PARD3: variants seen among roughly 807,000 people sequenced by gnomAD.
PARD3 encodes the protein partitioning defective 3 homolog.
In PARD3, 75 loss-of-function variants were observed where a neutral mutation model predicts 155.4. The observed-to-expected ratio is 0.48, with a 90% CI of 0.40 to 0.58. PARD3 has a LOEUF of 0.58. PARD3 is among the 20% of genes least tolerant of loss of function. PARD3 has a pLI of 0.00. For synonymous variants in PARD3, 576 were observed against 610.5 expected (o/e 0.94, Z 0.83); for missense variants, 1,642 against 1,721.7 (o/e 0.95, Z 0.82).
At chr10:34,442,391 C>T (rs1488192794) in intron 5 of PARD3, among the ~76,000 whole-genome samples, 2 of 152,140 alleles carry the variant, frequency 1.3e-5, no homozygotes, top group African/African-American at 4.8e-5. Context: ...TTTCCCTGAC[C>T]GATCTGAAGT....
chr10:34,696,256 G>T, intron 2 of PARD3, 62 bp downstream of exon 2: 1 of 836,548 alleles, frequency 1.2e-6, no homozygotes, highest in Non-Finnish European at 2.0e-6. Flanking sequence ...AATCGCACCC[G>T]CTCCCTAGTC....
rs759013138 is a variant in PARD3 at position 34,111,540 on chromosome 10, A to G, written c.3691T>C (p.Ser1231Pro). The part of the protein sequence containing the change: ...LPRQSRKNAS[S>P]VSQDSWEQNY... ...TGCTCCCAAGAGTCCTGGGAGACCG[A>G]GCTGGCATTTTTCCTGCTTTGCCTA... Residue 1231 changes from serine to proline, a missense_variant, in exon 25 of 25, where the codon TCG becomes CCG. Coordinates refer to ENST00000374788, the MANE Select transcript of PARD3 (RefSeq NM_001184785.2). 4 of 1,596,466 alleles carry G rather than the reference A, an allele frequency of 2.5e-6. No individual in the cohort carries two copies. The African/African-American group carries it at 4.0e-5, about 16-fold the overall frequency.
intron 1 of PARD3, among the ~76,000 whole-genome samples, chr10:34,785,932 G>C (rs753147736): frequency 6.6e-6 from 1 of 152,080 alleles, no homozygotes; most frequent in African/African-American, 2.4e-5. Context: ...GAAAATGTAG[G>C]ACCAGTTGAT....
At chr10:34,774,275 A>T (rs1284481525) in intron 1 of PARD3, among the ~76,000 whole-genome samples, 1 of 152,224 alleles carries the variant, frequency 6.6e-6, no homozygotes, top group Non-Finnish European at 1.5e-5. Context: ...ACTCTCCACA[A>T]ACTGCACGGA....
intron 2 of PARD3, among the ~76,000 whole-genome samples, chr10:34,656,063 T>C (rs1180162364): frequency 6.6e-6 from 1 of 152,126 alleles, no homozygotes; most frequent in Admixed American, 6.5e-5. Context: ...ACTAGCAAAA[T>C]GTCAAAATTT....
intron 2 of PARD3, among the ~76,000 whole-genome samples, chr10:34,667,437 C>G (rs1283927185): frequency 9.9e-5 from 15 of 152,232 alleles, no homozygotes; most frequent in Admixed American, 9.8e-4. Flanking sequence ...ATCAATGGTG[C>G]CTTTCTCTGC....
chr10:34,130,588 T>C (rs1588875451), intron 23 of PARD3, among the ~76,000 whole-genome samples: 1 of 152,052 alleles, frequency 6.6e-6, no homozygotes, highest in Non-Finnish European at 1.5e-5. Context: ...AAAAAATCTG[T>C]CCCAACCCCT....
intron 15 of PARD3, among the ~76,000 whole-genome samples, chr10:34,347,559 C>T (rs1189374352): frequency 6.6e-6 from 1 of 152,054 alleles, no homozygotes; most frequent in Non-Finnish European, 1.5e-5. Flanking sequence ...ATTTTTTCTC[C>T]CCCTCCAGGC....
intron 22 of PARD3, among the ~76,000 whole-genome samples, chr10:34,158,207 C>A (rs1046933195): frequency 1.3e-5 from 2 of 151,906 alleles, no homozygotes; most frequent in Non-Finnish European, 2.9e-5. Context: ...AGCAAGACTT[C>A]GTTTCTCCAA....
chr10:34,697,886 G>A (rs2094205003), intron 1 of PARD3, among the ~76,000 whole-genome samples: 1 of 151,964 alleles, frequency 6.6e-6, no homozygotes, highest in South Asian at 2.1e-4. Flanking sequence ...ACCTGCCACT[G>A]AGACAGCTCC....
intron 20 of PARD3, among the ~76,000 whole-genome samples, chr10:34,284,571 T>C (rs1956298829): frequency 6.6e-6 from 1 of 152,220 alleles, no homozygotes; most frequent in Non-Finnish European, 1.5e-5. Flanking sequence ...TGCTGAATAC[T>C]TTAGATGCTA....
intron 8 of PARD3, 144 bp from the exon 9 acceptor site, chr10:34,383,066 CA>C (rs1459037341): frequency 5.1e-6 from 4 of 790,248 alleles, no homozygotes; most frequent in Non-Finnish European, 8.2e-6. Context: ...ACCCATTTAT[CA>C]ATCAAGTTTG....
At chr10:34,133,438 C>T (rs920426001) in intron 22 of PARD3, among the ~76,000 whole-genome samples, 66 of 152,214 alleles carry the variant, frequency 4.3e-4, no homozygotes, top group African/African-American at 1.5e-3. Context: ...TCAAGCCCAT[C>T]AGGCATCTAC....
At chr10:34,680,716 CAGTA>C (rs1042623620) in intron 2 of PARD3, among the ~76,000 whole-genome samples, 9 of 151,390 alleles carry the variant, frequency 5.9e-5, no homozygotes, top group African/African-American at 1.5e-4. Flanking sequence ...TCATCATTCT[CAGTA>C]AACTATCGCA....
rs1956440169 is a variant in PARD3, at chr10:34,287,175, G to GC, written c.3066-2931dup. On this transcript the variant is annotated intron_variant, in intron 20 of 24. Transcript: ENST00000374788. ...GCATTCACTTCATCCTGGAAGTTCT[G>GC]CAACACTGAGGCATCTCCAAGTATA... 2.0e-5 allele frequency among the ~76,000 whole-genome samples: 3 copies of GC among 152,212 alleles called. No homozygotes were observed. In the South Asian group the frequency reaches 6.2e-4, roughly 32 times the overall value.
chr10:34,458,574 C>G (rs2077455482), intron 4 of PARD3, among the ~76,000 whole-genome samples: 1 of 152,096 alleles, frequency 6.6e-6, no homozygotes, highest in Non-Finnish European at 1.5e-5. Context: ...ACAGCTGGAC[C>G]ACTGCAATCC....
intron 15 of PARD3, chr10:34,344,371 C>T (rs1837176522): frequency 1.3e-6 from 1 of 791,338 alleles, no homozygotes; most frequent in Non-Finnish European, 1.5e-6. Flanking sequence ...CAAGCTCTGC[C>T]TCCTGGGTTT....
At chr10:34,412,585 T>C (rs1030544833) in intron 5 of PARD3, among the ~76,000 whole-genome samples, 3 of 152,238 alleles carry the variant, frequency 2.0e-5, no homozygotes, top group Admixed American at 1.3e-4. Flanking sequence ...GATGTATTTA[T>C]TACTAAAATA....
intron 14 of PARD3, among the ~76,000 whole-genome samples, chr10:34,352,068 T>C (rs1466030871): frequency 1.3e-5 from 2 of 152,226 alleles, no homozygotes; most frequent in Non-Finnish European, 2.9e-5. Context: ...CACCTGGCGA[T>C]ATTCTCTACT....
Sources: gnomAD v4.1 joint callset for allele counts (sites outside exome capture counted in the v4.1 genomes callset) on GRCh38, gnomAD v4.1.1 for gene constraint, MANE v1.5 for transcripts, NCBI Gene and HGNC (gene_info 2026-07-23, HGNC 2026-07-21) for gene names.